Variants in ARHGAP6 observed in about 807,000 individuals in gnomAD.
The protein encoded by ARHGAP6 is rho GTPase-activating protein 6.
In ARHGAP6, 16 loss-of-function variants were observed where a neutral mutation model predicts 55.7. The observed-to-expected ratio is 0.29, with a 90% CI of 0.19 to 0.44. The LOEUF is 0.44. ARHGAP6 is among the 20% of genes least tolerant of loss of function. The probability of loss-of-function intolerance (pLI) is 1.00; values close to 1 mark genes in which losing one functional copy is unlikely to be tolerated. For synonymous variants in ARHGAP6, 382 were observed against 360.9 expected (o/e 1.06, Z -0.66); for missense variants, 698 against 808.9 (o/e 0.86, Z 1.66).
At chrX:11,650,196 T>C (rs1055784702) in intron 1 of ARHGAP6, among the ~76,000 whole-genome samples, 2 of 110,389 alleles carry the variant, frequency 1.8e-5, no homozygotes, top group African/African-American at 6.6e-5. Context: ...GGGGTCTCAC[T>C]ATGTTACCCA....
intron 1 of ARHGAP6, among the ~76,000 whole-genome samples, chrX:11,514,357 T>C (rs765439159): frequency 9.1e-6 from 1 of 110,089 alleles, no homozygotes; most frequent in East Asian, 2.9e-4. Context: ...GCAATTAGCC[T>C]ATAGCAGAAT....
At chrX:11,445,795 C>A (rs2050086895) in intron 1 of ARHGAP6, among the ~76,000 whole-genome samples, 1 of 111,058 alleles carries the variant, frequency 9.0e-6, no homozygotes, top group South Asian at 3.9e-4. Context: ...CTACAGTGCA[C>A]AGGATGGCCT....
intron 1 of ARHGAP6, among the ~76,000 whole-genome samples, chrX:11,394,606 A>T (rs997883653): frequency 6.2e-5 from 7 of 112,224 alleles, no homozygotes; most frequent in Admixed American, 3.8e-4. Flanking sequence ...TGAAGGATTA[A>T]AATTAATCTT....
chrX:11,489,228 T>C (rs915860105), intron 1 of ARHGAP6, among the ~76,000 whole-genome samples: 1 of 111,624 alleles, frequency 9.0e-6, no homozygotes, highest in Non-Finnish European at 1.9e-5. Flanking sequence ...ACAACAGCAA[T>C]GAACCAAGGG....
At chrX:11,500,696 G>T (rs1236404072) in intron 1 of ARHGAP6, among the ~76,000 whole-genome samples, 3 of 99,778 alleles carry the variant, frequency 3.0e-5, no homozygotes, top group South Asian at 4.5e-4. Flanking sequence ...AAGAAGCAAA[G>T]AGAAACCTTT....
At position 11,590,575 on chromosome X, in the gene ARHGAP6, T is replaced by C. The variant is rs774152810; in HGVS notation, c.588+73666A>G. 4.5e-3 allele frequency among the ~76,000 whole-genome samples: 483 copies of C among 107,111 alleles called. 1 individual carries two copies. The highest frequency in any genetic ancestry group is 7.5e-3 in the Non-Finnish European group (394 of 52,242). The allele number at this position is 107,111 out of a possible 115,157, so 93.0% of individuals were successfully genotyped here. The stretch of plus-strand genomic sequence containing the variant: ...CCGAGGTGGCTGAGTCACTTGAGGT[T>C]AGTAGTCAAGACCAGCCTGGCCAAC... On this transcript the variant is annotated intron_variant, in intron 1 of 12. Transcript: ENST00000337414.
At chrX:11,147,054 T>C (rs1411306396) in intron 10 of ARHGAP6, among the ~76,000 whole-genome samples, 1 of 111,521 alleles carries the variant, frequency 9.0e-6, no homozygotes, top group Non-Finnish European at 1.9e-5. Context: ...TTTAAAAAAA[T>C]AGTGTCATTC....
At chrX:11,606,536 G>A (rs2052037913) in intron 1 of ARHGAP6, among the ~76,000 whole-genome samples, 1 of 111,525 alleles carries the variant, frequency 9.0e-6, no homozygotes, top group Non-Finnish European at 1.9e-5. Context: ...GCCTGTGAGA[G>A]TGAATGAATA....
At chrX:11,226,252 C>T (rs1225694972) in intron 2 of ARHGAP6, among the ~76,000 whole-genome samples, 1 of 106,375 alleles carries the variant, frequency 9.4e-6, no homozygotes, top group Non-Finnish European at 1.9e-5. Flanking sequence ...GTTTGGTTTT[C>T]GTCCTTGCGA....
intron 2 of ARHGAP6, among the ~76,000 whole-genome samples, chrX:11,212,466 G>A (rs1024493149): frequency 8.9e-6 from 1 of 112,272 alleles, no homozygotes; most frequent in African/African-American, 3.2e-5. Context: ...GGCAGTTGAC[G>A]GTGATGTTAT....
intron 1 of ARHGAP6, among the ~76,000 whole-genome samples, chrX:11,596,251 C>G (rs1003670429): frequency 8.9e-6 from 1 of 111,773 alleles, no homozygotes; most frequent in Non-Finnish European, 1.9e-5. Flanking sequence ...CATAAAAAAA[C>G]GATGAGTTCA....
intron 1 of ARHGAP6, among the ~76,000 whole-genome samples, chrX:11,533,253 T>G (rs2051070972): frequency 9.0e-6 from 1 of 111,097 alleles, no homozygotes; most frequent in African/African-American, 3.3e-5. Context: ...AGGTGGCACT[T>G]AAGACCATTT....
chrX:11,311,023 AAATTCAGT>A (rs1262080637), intron 1 of ARHGAP6, among the ~76,000 whole-genome samples: 5 of 112,333 alleles, frequency 4.5e-5, no homozygotes, highest in Admixed American at 9.5e-5. Context: ...TTCATAGCTG[AAATTCAGT>A]AATTAATTGT....
At chrX:11,232,082 CA>C (rs953475942) in intron 2 of ARHGAP6, among the ~76,000 whole-genome samples, 1 of 112,140 alleles carries the variant, frequency 8.9e-6, no homozygotes, top group African/African-American at 3.2e-5. Flanking sequence ...AAACTTTTAT[CA>C]ATTTTTTGTG....
intron 1 of ARHGAP6, among the ~76,000 whole-genome samples, chrX:11,323,813 C>T (rs760099953): frequency 1.0e-5 from 1 of 98,525 alleles, no homozygotes; most frequent in South Asian, 4.9e-4. Flanking sequence ...TGCAGTGAGC[C>T]GAGATCGCAC....
intron 1 of ARHGAP6, among the ~76,000 whole-genome samples, chrX:11,365,014 C>T (rs1212170562): frequency 9.0e-6 from 1 of 111,333 alleles, no homozygotes; most frequent in Non-Finnish European, 1.9e-5. Flanking sequence ...GAAGGGGAGA[C>T]AACTAGTAGT....
At chrX:11,210,976 C>A (rs1472083309) in intron 2 of ARHGAP6, among the ~76,000 whole-genome samples, 1 of 111,776 alleles carries the variant, frequency 8.9e-6, no homozygotes, top group Non-Finnish European at 1.9e-5. Flanking sequence ...AGTAGACTCA[C>A]AAATGGAATG....
intron 1 of ARHGAP6, among the ~76,000 whole-genome samples, chrX:11,292,293 T>C (rs1351400773): frequency 9.0e-6 from 1 of 111,702 alleles, no homozygotes; most frequent in Non-Finnish European, 1.9e-5. Context: ...CTGCCACTAA[T>C]TACAACTTTG....
At chrX:11,335,227 A>AT (rs936431522) in intron 1 of ARHGAP6, 3 of 139,920 alleles carry the variant, frequency 2.1e-5, no homozygotes, top group Admixed American at 8.7e-5. Flanking sequence ...CCTTGTCTAA[A>AT]TTTTTTTATT....
Sources: allele counts gnomAD v4.1 joint callset (sites outside exome capture counted in the v4.1 genomes callset), GRCh38; gene constraint gnomAD v4.1.1; transcripts MANE v1.5; gene names NCBI Gene and HGNC (gene_info 2026-07-23, HGNC 2026-07-21).